ADAM12: variants seen among roughly 807,000 people sequenced by gnomAD.
The protein encoded by ADAM12 is disintegrin and metalloproteinase domain-containing protein 12.
In ADAM12, 70 loss-of-function variants were observed where a neutral mutation model predicts 106.4. The observed-to-expected ratio is 0.66, with a 90% CI of 0.54 to 0.80. The LOEUF is 0.80. ADAM12 is among the 30% of genes least tolerant of loss of function. ADAM12 has a pLI of 0.00. For missense variants in ADAM12, 1,010 were observed against 1,171.9 expected, an observed-to-expected ratio of 0.86 and a Z score of 2.02; for synonymous variants, 420 against 433.5, an observed-to-expected ratio of 0.97 and a Z score of 0.39.
intron 1 of ADAM12, among the ~76,000 whole-genome samples, chr10:126,339,417 C>T (rs79404113): frequency 0.026 from 3,926 of 152,268 alleles, 172 homozygotes; most frequent in African/African-American, 0.09. Context: ...TCTTAAGCCA[C>T]GTGTCTGGAT....
chr10:126,268,167 A>C (rs572286737), intron 3 of ADAM12, among the ~76,000 whole-genome samples: 1 of 152,238 alleles, frequency 6.6e-6, no homozygotes, highest in South Asian at 2.1e-4. Context: ...TTCTGTTTCT[A>C]TGATTTTGCC....
At position 126,064,704 on chromosome 10, in the gene ADAM12, C is replaced by T. The variant is rs907187044; in HGVS notation, c.1609+102G>A. The T allele has an allele frequency of 4.7e-5, 60 of 1,284,268 alleles. No individual in the cohort carries two copies. Among genetic ancestry groups the T allele is most frequent in the Middle Eastern group, 2.7e-4 (1 of 3,724 alleles). 79.6% of individuals were successfully genotyped at this position (1,284,268 alleles called of 1,614,324 possible). A position where few individuals can be genotyped will look rare whatever the true frequency, so the allele number is the denominator to read the frequency against. On this transcript the variant is annotated intron_variant, in intron 14 of 22. Transcript: ENST00000448723. This position sits in a 1 kb window ranked among gnomAD's most constrained non-coding sequence, Gnocchi z 4.4. ...CACCGGATGCTGTGTGGACAGCGCC[C>T]GCCAGGAGTGGGGGCTAACCAAAAC...
Position 126,284,332 on chromosome 10 carries a change from C to CAA in ADAM12, c.187-5346_187-5345dup, listed in dbSNP as rs58488226. 8.2e-3 allele frequency among the ~76,000 whole-genome samples: 383 copies of CAA among 46,492 alleles called. 15 individuals carry two copies. The highest frequency in any genetic ancestry group is 0.01 in the Admixed American group (33 of 3,290). 30.5% of individuals were successfully genotyped at this position (46,492 alleles called of 152,430 possible). On this transcript the variant is annotated intron_variant, in intron 2 of 22. Transcript: ENST00000448723. ...TGGATGACAGAGCAAGACTCCATCT[C>CAA]AAAAAAAAAAAAAAAAAAAAAAAAA...
At chr10:126,198,072 G>GT (rs1957630059) in intron 3 of ADAM12, among the ~76,000 whole-genome samples, 1 of 152,204 alleles carries the variant, frequency 6.6e-6, no homozygotes, top group South Asian at 2.1e-4. Context: ...TGCAAACCAG[G>GT]TATCTCCTCA....
intron 21 of ADAM12, among the ~76,000 whole-genome samples, chr10:126,031,902 T>G (rs1953978991): frequency 6.6e-6 from 1 of 152,146 alleles, no homozygotes; most frequent in African/African-American, 2.4e-5. Flanking sequence ...GCTGATGGGA[T>G]GAAAAAAGTT....
chr10:126,036,747 G>C (rs1050808825), intron 20 of ADAM12, among the ~76,000 whole-genome samples: 4 of 152,160 alleles, frequency 2.6e-5, no homozygotes, highest in Non-Finnish European at 5.9e-5. Context: ...GAGAGTTGCG[G>C]CTTCAGGAAG....
chr10:126,247,677 C>T (rs762569402), intron 3 of ADAM12, among the ~76,000 whole-genome samples: 6 of 152,290 alleles, frequency 3.9e-5, no homozygotes, highest in African/African-American at 1.4e-4. Context: ...AGTCACCAAC[C>T]AGGAATTCTT....
intron 3 of ADAM12, among the ~76,000 whole-genome samples, chr10:126,241,966 T>TC (rs1161016587): frequency 6.6e-6 from 1 of 152,022 alleles, no homozygotes; most frequent in African/African-American, 2.4e-5. Context: ...ACAGAGCTTT[T>TC]TTTTTTTTTT....
chr10:126,351,026 C>T (rs189176604), intron 1 of ADAM12, among the ~76,000 whole-genome samples: 2 of 152,298 alleles, frequency 1.3e-5, no homozygotes, highest in African/African-American at 2.4e-5. Flanking sequence ...GTACCCATAT[C>T]GGTCACATAG....
intron 2 of ADAM12, among the ~76,000 whole-genome samples, chr10:126,290,730 T>C (rs1431035872): frequency 6.6e-6 from 1 of 152,172 alleles, no homozygotes; most frequent in African/African-American, 2.4e-5. Context: ...ATTATACATT[T>C]ATTAACTGAG....
intron 1 of ADAM12, among the ~76,000 whole-genome samples, chr10:126,359,901 A>C (rs1855682679): frequency 6.6e-6 from 1 of 152,196 alleles, no homozygotes; most frequent in Non-Finnish European, 1.5e-5. Context: ...CCCTGCAGCA[A>C]ACTTCTGCCT....
intron 7 of ADAM12, 44 bp downstream of exon 7, chr10:126,109,731 T>A (rs1378097418): frequency 6.4e-7 from 1 of 1,565,708 alleles, no homozygotes; most frequent in Admixed American, 1.8e-5. Context: ...CTTTTTTCTT[T>A]TATCTCTAAC....
At chr10:126,125,694 T>C (rs928034967) in intron 5 of ADAM12, among the ~76,000 whole-genome samples, 5 of 151,914 alleles carry the variant, frequency 3.3e-5, no homozygotes, top group Non-Finnish European at 5.9e-5. Flanking sequence ...AAGATATGTT[T>C]AAGTCCTAAT....
intron 1 of ADAM12, among the ~76,000 whole-genome samples, chr10:126,370,827 T>G (rs1258183944): frequency 6.6e-6 from 1 of 152,184 alleles, no homozygotes; most frequent in Non-Finnish European, 1.5e-5. Context: ...CTCAGCCTCT[T>G]ATAAGATGCA....
At chr10:126,184,547 C>T (rs76030173) in intron 3 of ADAM12, among the ~76,000 whole-genome samples, 3 of 152,146 alleles carry the variant, frequency 2.0e-5, no homozygotes, top group South Asian at 2.1e-4. Flanking sequence ...AAAGCTGTGC[C>T]GTATTTTGCA....
chr10:126,300,343 G>T (rs946462198), intron 2 of ADAM12, among the ~76,000 whole-genome samples: 3 of 152,232 alleles, frequency 2.0e-5, no homozygotes, highest in Admixed American at 1.3e-4. Flanking sequence ...GATAAACAGG[G>T]GGGAAGAGGC....
chr10:126,302,171 C>T (rs1437837880), intron 2 of ADAM12, among the ~76,000 whole-genome samples: 1 of 152,160 alleles, frequency 6.6e-6, no homozygotes, highest in Non-Finnish European at 1.5e-5. Context: ...CCCACCAACC[C>T]CACCCCCAGG....
rs114996725 is a variant in ADAM12 at position 126,021,930 on chromosome 10, T to C, written c.2530-2105A>G. Among the ~76,000 whole-genome samples, 1,288 of 152,294 alleles carry C rather than the reference T, an allele frequency of 8.5e-3. 23 individuals are homozygous for C. Among genetic ancestry groups the C allele is most frequent in the African/African-American group, 0.03 (1,244 of 41,570 alleles). ...AGGTAACAAATCAAGCTCCCCTTCC[T>C]ATAGATAACAGAAAACTGTGAGCAA... On this transcript the variant is annotated intron_variant, in intron 21 of 22. Coordinates refer to ENST00000448723, the MANE Select transcript of ADAM12 (RefSeq NM_001288973.2).
At chr10:126,265,769 G>C (rs1959085667) in intron 3 of ADAM12, among the ~76,000 whole-genome samples, 1 of 152,120 alleles carries the variant, frequency 6.6e-6, no homozygotes, top group South Asian at 2.1e-4. Context: ...GATTTTAATT[G>C]CAAGAATTAA....
Sources: gnomAD v4.1 joint callset for allele counts (sites outside exome capture counted in the v4.1 genomes callset) on GRCh38, gnomAD v4.1.1 for gene constraint, Gnocchi (gnomAD v3.1) non-coding constraint, MANE v1.5 for transcripts, NCBI Gene and HGNC (gene_info 2026-07-23, HGNC 2026-07-21) for gene names.